The following ADARB2 variants were observed in gnomAD, a reference collection of about 807,000 sequenced individuals.
The protein encoded by ADARB2 is inactive double-stranded RNA-specific editase B2.
A neutral mutation model predicts 62.2 loss-of-function variants in ADARB2; 25 were observed. That is an observed-to-expected ratio of 0.40 (90% CI 0.29 to 0.56). The LOEUF (loss-of-function observed/expected upper bound fraction) is 0.56, where lower values mean the gene tolerates loss of function less well. Ranked by LOEUF, ADARB2 falls within the 20% of genes least tolerant of loss-of-function variation. The pLI is 0.43. For missense variants in ADARB2, 1,071 were observed against 1,077.4 expected (o/e 0.99, Z 0.08); for synonymous variants, 572 against 500.8 (o/e 1.14, Z -1.90).
At chr10:1,705,531 G>A (rs1052326098) in intron 1 of ADARB2, among the ~76,000 whole-genome samples, 7 of 152,220 alleles carry the variant, frequency 4.6e-5, no homozygotes, top group Non-Finnish European at 7.3e-5. Flanking sequence ...GCAGCTGAGC[G>A]GGGGTTAATG....
intron 1 of ADARB2, among the ~76,000 whole-genome samples, chr10:1,561,478 G>A (rs1020745988): frequency 2.0e-5 from 3 of 152,200 alleles, no homozygotes; most frequent in Admixed American, 2.0e-4. Context: ...ACTGTTTCAA[G>A]CACTGAAGAT....
intron 1 of ADARB2, among the ~76,000 whole-genome samples, chr10:1,412,366 GT>G (rs200669458): frequency 7.6e-4 from 113 of 147,918 alleles, no homozygotes; most frequent in African/African-American, 2.1e-3. Flanking sequence ...TAAAAGATGT[GT>G]TTTTTTTTTG....
chr10:1,350,870 A>G (rs984910008), intron 3 of ADARB2, among the ~76,000 whole-genome samples: 3 of 152,186 alleles, frequency 2.0e-5, no homozygotes, highest in African/African-American at 7.2e-5. Flanking sequence ...AATAAAGTAG[A>G]GGCAGCCAAG....
rs1038766655 is a variant in ADARB2 at position 1,647,440 on chromosome 10, T to G, written c.100+89611A>C. Among the ~76,000 whole-genome samples the G allele has an allele frequency of 1.2e-4, 18 of 152,226 alleles. 1 individual carries two copies. The highest frequency in any genetic ancestry group is 9.2e-4 in the Admixed American group (14 of 15,286). On this transcript the variant is annotated intron_variant, in intron 1 of 9. Transcript: ENST00000381312. ...ATATGTGTATACATATGTGTATACC[T>G]GTGTATATACATTTAAATATGTGTA...
chr10:1,288,036 G>T (rs968706232), intron 3 of ADARB2, among the ~76,000 whole-genome samples: 1 of 152,208 alleles, frequency 6.6e-6, no homozygotes, highest in Non-Finnish European at 1.5e-5. Context: ...CCCAAAGCAC[G>T]CTTGCCTCTG....
chr10:1,341,410 G>T (rs1832026367), intron 3 of ADARB2, among the ~76,000 whole-genome samples: 1 of 143,964 alleles, frequency 6.9e-6, no homozygotes, highest in Non-Finnish European at 1.5e-5. Context: ...GCAATAACCA[G>T]CATCCACCAG....
intron 1 of ADARB2, among the ~76,000 whole-genome samples, chr10:1,644,585 T>C (rs1299415150): frequency 6.6e-6 from 1 of 152,262 alleles, no homozygotes; most frequent in Non-Finnish European, 1.5e-5. Context: ...GCTGTTCCCA[T>C]TGCTGTCACA....
intron 7 of ADARB2, among the ~76,000 whole-genome samples, chr10:1,205,078 C>T (rs1301131069): frequency 2.6e-5 from 4 of 152,060 alleles, no homozygotes; most frequent in Admixed American, 6.5e-5. Context: ...CCTTAGGTCC[C>T]GGCCGCCATT....
intron 4 of ADARB2, among the ~76,000 whole-genome samples, chr10:1,263,979 C>G (rs1254630098): frequency 6.6e-6 from 1 of 152,146 alleles, no homozygotes; most frequent in South Asian, 2.1e-4. Flanking sequence ...GAAATCTGTC[C>G]TGCATTTTAT....
chr10:1,316,508 G>A (rs543656865), intron 3 of ADARB2, among the ~76,000 whole-genome samples: 1 of 152,122 alleles, frequency 6.6e-6, no homozygotes, highest in Non-Finnish European at 1.5e-5. Flanking sequence ...CCCCTTTTTG[G>A]TTTGATCTAA....
rs758622725 is a variant in ADARB2, at chr10:1,363,565, G to C, written c.540C>G (p.Arg180=). 1 of 1,576,604 alleles carries C rather than the reference G, an allele frequency of 6.3e-7. No homozygotes were observed. The highest frequency in any genetic ancestry group is 2.3e-5 in the East Asian group (1 of 42,674). The change falls in exon 3 of 10, where the codon CGC becomes CGG. Residue 180 remains arginine (R), a synonymous_variant. Transcript: ENST00000381312. ...TGPTKKKAKM[R]AAELALRSFV... ...AGGACCTGAGTGCCAGCTCCGCCGCGCGCATCTTGGCCTTCTTCTTGGTGG... is the reference window on the plus strand; with the variant it reads ...AGGACCTGAGTGCCAGCTCCGCCGCCCGCATCTTGGCCTTCTTCTTGGTGG...
rs118073840 is a variant in ADARB2, at chr10:1,349,939, A to G, written c.1077+13089T>C. On this transcript the variant is annotated intron_variant, in intron 3 of 9. Coordinates refer to ENST00000381312, the MANE Select transcript of ADARB2 (RefSeq NM_018702.4). ...GGCTGCTCCCCACAACCAATTCTCC[A>G]TGCCTCTACCCTTCCCTTTAAACTT... Among the ~76,000 whole-genome samples the G allele has an allele frequency of 9.7e-4, 147 of 152,066 alleles. 6 individuals are homozygous for G. In the East Asian group the frequency reaches 0.028, roughly 29 times the overall value.
At chr10:1,688,473 A>G (rs566981715) in intron 1 of ADARB2, among the ~76,000 whole-genome samples, 20 of 152,338 alleles carry the variant, frequency 1.3e-4, no homozygotes, top group Admixed American at 4.6e-4. Flanking sequence ...GACAACACTC[A>G]GGGATGGCTC....
At chr10:1,647,275 C>A (rs762642498) in intron 1 of ADARB2, among the ~76,000 whole-genome samples, 1 of 152,214 alleles carries the variant, frequency 6.6e-6, no homozygotes, top group East Asian at 1.9e-4. Context: ...TCACTATTTT[C>A]TGTTAGCTGT....
At chr10:1,655,574 C>T (rs1456748933) in intron 1 of ADARB2, among the ~76,000 whole-genome samples, 3 of 152,160 alleles carry the variant, frequency 2.0e-5, no homozygotes, top group Non-Finnish European at 4.4e-5. Context: ...AGTGCTGGCA[C>T]CTTCTGCATT....
At chr10:1,642,765 A>C (rs1330608295) in intron 1 of ADARB2, among the ~76,000 whole-genome samples, 1 of 151,782 alleles carries the variant, frequency 6.6e-6, no homozygotes, top group Non-Finnish European at 1.5e-5. Context: ...ACACACACTC[A>C]CACTCCCTCA....
chr10:1,663,522 T>A lies in ADARB2; in HGVS notation c.100+73529A>T, dbSNP rs141838520. ...TCGCTCTTTTCAGAACATCATAGAG[T>A]TGAAATCACATAGTTTGTAACCTTT... On this transcript the variant is annotated intron_variant, in intron 1 of 9. Coordinates refer to ENST00000381312, the MANE Select transcript of ADARB2 (RefSeq NM_018702.4). Among the ~76,000 whole-genome samples, 202 of 152,194 alleles carry A rather than the reference T, an allele frequency of 1.3e-3. 1 individual carries two copies. Among genetic ancestry groups the A allele is most frequent in the African/African-American group, 4.5e-3 (188 of 41,520 alleles).
intron 1 of ADARB2, among the ~76,000 whole-genome samples, chr10:1,503,436 C>A (rs1201136142): frequency 6.6e-6 from 1 of 151,868 alleles, no homozygotes; most frequent in Non-Finnish European, 1.5e-5. Flanking sequence ...CCTCCTTGTG[C>A]CCCCAAAGAC....
At chr10:1,428,426 A>G (rs1362764499) in intron 1 of ADARB2, among the ~76,000 whole-genome samples, 1 of 151,848 alleles carries the variant, frequency 6.6e-6, no homozygotes, top group African/African-American at 2.4e-5. Flanking sequence ...AGCTGGGACT[A>G]CAGGCACCCA....
Sources: allele counts gnomAD v4.1 joint callset (sites outside exome capture counted in the v4.1 genomes callset), GRCh38; gene constraint gnomAD v4.1.1; transcripts MANE v1.5; gene names NCBI Gene and HGNC (gene_info 2026-07-23, HGNC 2026-07-21).